Variants in TENM4 observed in about 807,000 individuals in gnomAD.
TENM4 encodes teneurin transmembrane protein 4, also known as teneurin-4.
Under a neutral mutation model 243.3 loss-of-function variants are expected in TENM4, and 82 were observed. That is an observed-to-expected ratio of 0.34 (90% confidence interval 0.28 to 0.40). The LOEUF (loss-of-function observed/expected upper bound fraction) is 0.40, where lower values mean the gene tolerates loss of function less well. Ranked by LOEUF, TENM4 falls within the 10% of genes least tolerant of loss-of-function variation. The pLI, the probability that TENM4 is intolerant of heterozygous loss-of-function variation, is 1.00. For synonymous variants in TENM4, 1,412 were observed against 1,456.3 expected, an observed-to-expected ratio of 0.97 and a Z score of 0.69; for missense variants, 3,138 against 3,673.3, an observed-to-expected ratio of 0.85 and a Z score of 3.77.
chr11:79,260,580 C>T (rs1370981606), intron 2 of TENM4, among the ~76,000 whole-genome samples: 1 of 152,154 alleles, frequency 6.6e-6, no homozygotes, highest in African/African-American at 2.4e-5. Context: ...CCAGAGAACT[C>T]TTCAGGGGCA....
chr11:78,792,184 A>T (rs116591031), intron 15 of TENM4, among the ~76,000 whole-genome samples: 1,880 of 152,332 alleles, frequency 0.012, 54 homozygotes, highest in African/African-American at 0.044. Flanking sequence ...TTCCATCAGC[A>T]CAGCTCCAAG....
In TENM4 at chr11:79,438,465, G is replaced by C. The variant is rs970748868; in HGVS notation, c.-321+2044C>G. On this transcript the variant is annotated intron_variant, in intron 1 of 33. Transcript: ENST00000278550. This position sits in a 1 kb window ranked among gnomAD's most constrained non-coding sequence, Gnocchi z 4.1. ...CCCCATCAGCGCCGGGCTAGCGCAG[G>C]AAACCAGGAATAGGTGTAGGTAAGG... 1.3e-5 allele frequency among the ~76,000 whole-genome samples: 2 copies of C among 152,164 alleles called. No homozygotes were observed. Among genetic ancestry groups the C allele is most frequent in the African/African-American group, 4.8e-5 (2 of 41,448 alleles).
chr11:78,878,307 T>C (rs1409063173), intron 9 of TENM4, among the ~76,000 whole-genome samples: 1 of 152,190 alleles, frequency 6.6e-6, no homozygotes, highest in Non-Finnish European at 1.5e-5. Flanking sequence ...ATACTAAGTA[T>C]GACGGAAATT....
intron 6 of TENM4, among the ~76,000 whole-genome samples, chr11:79,058,335 A>T (rs1274624306): frequency 6.6e-6 from 1 of 152,122 alleles, no homozygotes; most frequent in Admixed American, 6.5e-5. Context: ...TAAGGTCAGG[A>T]GATCGAGACC....
At chr11:79,030,051 G>A (rs1312304788) in intron 6 of TENM4, among the ~76,000 whole-genome samples, 2 of 152,116 alleles carry the variant, frequency 1.3e-5, no homozygotes, top group African/African-American at 2.4e-5. Flanking sequence ...GGAGGCAATC[G>A]GAATCCGCCC....
chr11:79,353,867 C>T (rs921952655), intron 1 of TENM4, among the ~76,000 whole-genome samples: 3 of 152,168 alleles, frequency 2.0e-5, no homozygotes, highest in Non-Finnish European at 2.9e-5. Context: ...TACACAGCCA[C>T]GTCCATTTAT....
chr11:79,070,014 A>T lies in TENM4; in HGVS notation c.-65-5T>A. 1 of 1,499,722 alleles carries T rather than the reference A, an allele frequency of 6.7e-7. No individual in the cohort carries two copies. The highest frequency in any genetic ancestry group is 8.9e-7 in the Non-Finnish European group (1 of 1,127,310). The allele number at this position is 1,499,722 out of a possible 1,614,324, so 92.9% of individuals were successfully genotyped here. A position where few individuals can be genotyped will look rare whatever the true frequency, so the allele number is the denominator to read the frequency against. Reference sequence around the variant, plus strand: ...CCGCACTCAGGGCCGAGTGGTCTAGAGCCAGGGAAACCAAAGATAGGGCGT... The same window carrying T: ...CCGCACTCAGGGCCGAGTGGTCTAGTGCCAGGGAAACCAAAGATAGGGCGT... On this transcript the variant is annotated splice_polypyrimidine_tract_variant and splice_region_variant and intron_variant, in intron 4 of 33. Transcript: ENST00000278550.
intron 27 of TENM4, among the ~76,000 whole-genome samples, chr11:78,706,321 G>A (rs1859246958): frequency 6.6e-6 from 1 of 152,104 alleles, no homozygotes; most frequent in South Asian, 2.1e-4. Context: ...TCTGCTCTGT[G>A]CCTCTCTCTT....
At chr11:79,075,887 C>T (rs1178106641) in intron 4 of TENM4, among the ~76,000 whole-genome samples, 1 of 152,242 alleles carries the variant, frequency 6.6e-6, no homozygotes, top group Non-Finnish European at 1.5e-5. Context: ...GCAGACCAGT[C>T]TAGTGCTGGG....
At chr11:78,948,188 A>G (rs1857042103) in intron 6 of TENM4, among the ~76,000 whole-genome samples, 3 of 152,172 alleles carry the variant, frequency 2.0e-5, no homozygotes, top group Admixed American at 1.3e-4. Context: ...CTTCATCTCG[A>G]TGCATAAAAA....
intron 12 of TENM4, among the ~76,000 whole-genome samples, chr11:78,852,573 T>C (rs529080506): frequency 1.4e-4 from 21 of 152,204 alleles, no homozygotes; most frequent in African/African-American, 2.6e-4. Flanking sequence ...GTCCCAGCTA[T>C]TCGGGAGGCC....
chr11:79,061,086 A>G (rs979330623), intron 6 of TENM4, among the ~76,000 whole-genome samples: 4 of 152,192 alleles, frequency 2.6e-5, no homozygotes, highest in African/African-American at 7.2e-5. Context: ...GCTCCAGCTC[A>G]ACTAGATATG....
chr11:78,867,218 T>C (rs1474029504), intron 9 of TENM4, among the ~76,000 whole-genome samples: 1 of 152,148 alleles, frequency 6.6e-6, no homozygotes, highest in East Asian at 1.9e-4. Flanking sequence ...ATTTTTTTTT[T>C]GTACCCGTTA....
intron 4 of TENM4, among the ~76,000 whole-genome samples, chr11:79,121,517 C>T (rs1436200008): frequency 2.0e-5 from 3 of 152,290 alleles, no homozygotes; most frequent in Admixed American, 2.0e-4. Flanking sequence ...GCATAAAGGA[C>T]CATGCGGCGG....
At chr11:79,286,444 GA>G (rs951135418) in intron 2 of TENM4, among the ~76,000 whole-genome samples, 2 of 148,128 alleles carry the variant, frequency 1.4e-5, no homozygotes, top group East Asian at 3.9e-4. Flanking sequence ...CCTGAGGTCA[GA>G]AGTTTGAGAC....
At chr11:78,950,639 G>A (rs913318624) in intron 6 of TENM4, among the ~76,000 whole-genome samples, 6 of 152,162 alleles carry the variant, frequency 3.9e-5, no homozygotes, top group African/African-American at 1.4e-4. Context: ...TGACAACAAT[G>A]ATAGAAATTT....
intron 3 of TENM4, among the ~76,000 whole-genome samples, chr11:79,165,728 A>G (rs1041590819): frequency 6.6e-6 from 1 of 152,118 alleles, no homozygotes; most frequent in African/African-American, 2.4e-5. Flanking sequence ...CAGTATCTAG[A>G]AGGGTTTTTC....
rs116873190 is a variant in TENM4 at position 78,928,396 on chromosome 11, G to A, written c.494-24873C>T. 7.9e-4 allele frequency among the ~76,000 whole-genome samples: 120 copies of A among 152,284 alleles called. 2 individuals are homozygous for A. The East Asian group carries it at 0.022, about 28-fold the overall frequency. Reference sequence around the variant, plus strand: ...AGCCTGGAAGGAAAAACACCATTCTGCCACTAGTTCCTAAGGTAACAACTC... The same window carrying A: ...AGCCTGGAAGGAAAAACACCATTCTACCACTAGTTCCTAAGGTAACAACTC... On this transcript the variant is annotated intron_variant, in intron 6 of 33. Coordinates refer to ENST00000278550, the MANE Select transcript of TENM4 (RefSeq NM_001098816.3).
At chr11:79,025,846 C>T (rs1376217725) in intron 6 of TENM4, among the ~76,000 whole-genome samples, 4 of 152,162 alleles carry the variant, frequency 2.6e-5, no homozygotes, top group Non-Finnish European at 5.9e-5. Context: ...CCCGATCTCT[C>T]TCGATTACAA....
Sources: gnomAD v4.1 joint callset for allele counts (sites outside exome capture counted in the v4.1 genomes callset) on GRCh38, gnomAD v4.1.1 for gene constraint, Gnocchi (gnomAD v3.1) non-coding constraint, MANE v1.5 for transcripts, NCBI Gene and HGNC (gene_info 2026-07-23, HGNC 2026-07-21) for gene names.